Variants in LAMA1 observed in about 807,000 individuals in gnomAD.
LAMA1 encodes laminin subunit alpha 1, also known as laminin subunit alpha-1.
Under a neutral mutation model 348.7 loss-of-function variants are expected in LAMA1, and 219 were observed. The ratio of observed to expected loss-of-function variants is 0.63; its 90% CI spans 0.56 to 0.70. The LOEUF (loss-of-function observed/expected upper bound fraction) is 0.70, where lower values mean the gene tolerates loss of function less well. LAMA1 is among the 30% of genes least tolerant of loss of function. The pLI is 0.00. For synonymous variants in LAMA1, 1,487 were observed against 1,491.0 expected, an observed-to-expected ratio of 1.00 and a Z score of 0.06; for missense variants, 3,744 against 3,888.0, an observed-to-expected ratio of 0.96 and a Z score of 0.99.
Position 7,023,336 on chromosome 18 carries a change from G to T in LAMA1, c.2529C>A (p.Gly843=), listed in dbSNP as rs774533568. 2 of 1,614,032 alleles carry T rather than the reference G, an allele frequency of 1.2e-6. No individual in the cohort carries two copies. Among genetic ancestry groups the T allele is most frequent in the Middle Eastern group, 1.6e-4 (1 of 6,082 alleles). ...TGCAGTCACAGGGAACACAAGATTC[G>T]CCAGGCACTGTTGGGTTTCCATAGT... ...DGYYGNPTVP[G]ESCVPCDCSG... is the part of the protein sequence containing the mutation. Residue 843 remains glycine (G), a synonymous_variant, in exon 19 of 63, where the codon GGC becomes GGA. Coordinates refer to ENST00000389658, the MANE Select transcript of LAMA1 (RefSeq NM_005559.4).
At position 6,980,610 on chromosome 18, in the gene LAMA1, C is replaced by G; in HGVS notation, c.5918G>C (p.Arg1973Thr). Residue 1973 changes from arginine to threonine, a missense_variant, in exon 42 of 63, where the codon AGA (arginine) becomes ACA (threonine). Physicochemically the swap from Arg to Thr is moderately conservative, Grantham distance 71 (BLOSUM62 -1). Coordinates refer to ENST00000389658, the MANE Select transcript of LAMA1 (RefSeq NM_005559.4). ...CTCTTGAAATCTGTTTGTCTTATTTCTCAATTCACTCAGTTCCAATGCAAT... is the reference window on the plus strand; with the variant it reads ...CTCTTGAAATCTGTTTGTCTTATTTGTCAATTCACTCAGTTCCAATGCAAT... The part of the protein sequence containing the change: ...PGIALELSEL[R>T]NKTNRFQENA... The G allele has an allele frequency of 6.2e-7, 1 of 1,611,456 alleles. No individual in the cohort carries two copies. The highest frequency in any genetic ancestry group is 8.5e-7 in the Non-Finnish European group (1 of 1,177,812).
intron 48 of LAMA1, among the ~76,000 whole-genome samples, chr18:6,967,641 G>GGGCCGGTC (rs1177179931): frequency 6.6e-6 from 1 of 152,190 alleles, no homozygotes; most frequent in Admixed American, 6.5e-5. Context: ...GGTCCTCGAT[G>GGGCCGGTC]GGCCGGTCTT....
At position 7,034,707 on chromosome 18, in the gene LAMA1, A is replaced by G. The variant is rs1195513344; in HGVS notation, c.1840-17T>C. 1.3e-6 allele frequency: 2 copies of G among 1,595,430 alleles called. No individual in the cohort carries two copies. The highest frequency in any genetic ancestry group is 2.2e-5 in the South Asian group (2 of 90,440). ...TCCGTTTCCCTAACATTTAAAAACAAGAGAAAATATATTTGTCATTCAATT... is the reference window on the plus strand; with the variant it reads ...TCCGTTTCCCTAACATTTAAAAACAGGAGAAAATATATTTGTCATTCAATT... On this transcript the variant is annotated splice_polypyrimidine_tract_variant and intron_variant, in intron 13 of 62. Transcript: ENST00000389658.
chr18:7,107,211 C>T (rs935033294), intron 1 of LAMA1, among the ~76,000 whole-genome samples: 11 of 151,204 alleles, frequency 7.3e-5, no homozygotes, highest in Admixed American at 2.6e-4. Context: ...CTCCGCCTGC[C>T]GGGTTCACGC....
chr18:6,978,378 C>A lies in LAMA1; in HGVS notation c.6008G>T (p.Gly2003Val). ...SLLILRAIPK[G>V]IRDKGAKTKE... ...GGTTTTGGCTCCCTTGTCTCTTATA[C>A]CTAAAATAAATGTATATAAAAGCAT... The change falls in exon 43 of 63, where the codon GGT (glycine) becomes GTT (valine). Residue 2003 changes from glycine (G) to valine (V), a missense_variant and splice_region_variant. Gly to Val is a moderately radical substitution (Grantham distance 109, BLOSUM62 -3). Transcript: ENST00000389658. 1 of 1,613,734 alleles carries A rather than the reference C, an allele frequency of 6.2e-7. No individual in the cohort carries two copies. Among genetic ancestry groups the A allele is most frequent in the Non-Finnish European group, 8.5e-7 (1 of 1,179,912 alleles).
intron 48 of LAMA1, among the ~76,000 whole-genome samples, chr18:6,971,093 A>C (rs965577308): frequency 6.6e-6 from 1 of 152,244 alleles, no homozygotes; most frequent in African/African-American, 2.4e-5. Flanking sequence ...ATTAGACAAG[A>C]GAAATTATAT....
intron 22 of LAMA1, 134 bp downstream of exon 22, chr18:7,015,588 G>GTTT (rs35052861): frequency 0.017 from 15,195 of 910,828 alleles, 3 homozygotes; most frequent in Middle Eastern, 0.027. Flanking sequence ...CCCACATTGA[G>GTTT]TTTTTTTTTT....
At position 6,983,149 on chromosome 18, in the gene LAMA1, A is replaced by T; in HGVS notation, c.5746T>A (p.Ser1916Thr). The T allele has an allele frequency of 6.2e-7, 1 of 1,614,100 alleles. No homozygotes were observed. Among genetic ancestry groups the T allele is most frequent in the African/African-American group, 1.3e-5 (1 of 75,024 alleles). The change falls in exon 40 of 63, where the codon TCG becomes ACG. Residue 1916 changes from serine to threonine, a missense_variant. Physicochemically the swap from Ser to Thr is moderately conservative, Grantham distance 58. This residue lies in a region of LAMA1 where 1,983 missense variants were observed against 1,934.3 expected (regional missense o/e 1.03). Transcript: ENST00000389658. Reference sequence around the variant, plus strand: ...TGAGCATCTCTGGCCAGTTCCTCCGATTCTTCAATCAGGCTCTGGATGTTG... The same window carrying T: ...TGAGCATCTCTGGCCAGTTCCTCCGTTTCTTCAATCAGGCTCTGGATGTTG... ...HYNIQSLIEESEELARDAHRT... is the reference protein window; with the variant it reads ...HYNIQSLIEETEELARDAHRT...
chr18:7,065,418 C>T (rs2058119037), intron 3 of LAMA1, among the ~76,000 whole-genome samples: 1 of 151,918 alleles, frequency 6.6e-6, no homozygotes. Flanking sequence ...TAATTCTCAA[C>T]TGATAAGAAA....
chr18:7,041,566 G>C (rs1005416748), intron 9 of LAMA1, among the ~76,000 whole-genome samples: 1 of 152,198 alleles, frequency 6.6e-6, no homozygotes, highest in Non-Finnish European at 1.5e-5. Context: ...ACCTATTCAG[G>C]AGACTCTGGT....
intron 1 of LAMA1, among the ~76,000 whole-genome samples, chr18:7,106,053 G>T (rs1316133811): frequency 1.3e-5 from 2 of 152,218 alleles, no homozygotes; most frequent in Non-Finnish European, 2.9e-5. Context: ...ATTACTCACA[G>T]CTCTGAGATG....
In LAMA1 at chr18:6,966,219, C is replaced by T. The variant is rs1384452352; in HGVS notation, c.6978G>A (p.Val2326=). 1 of 1,613,976 alleles carries T rather than the reference C, an allele frequency of 6.2e-7. No individual in the cohort carries two copies. The highest frequency in any genetic ancestry group is 8.5e-7 in the Non-Finnish European group (1 of 1,179,962). The change falls in exon 49 of 63, where the codon GTG becomes GTA. Residue 2326 remains valine (V), a synonymous_variant. Transcript: ENST00000389658. ...SVVEKSLPAT[V]TQIIMLFNTF... ...TATTAAAAAGCATGATTATCTGGGTCACGGTAGCCGGAAGTGACTTCTCCA... is the reference window on the plus strand; with the variant it reads ...TATTAAAAAGCATGATTATCTGGGTTACGGTAGCCGGAAGTGACTTCTCCA...
chr18:6,989,819 C>T (rs989751942), intron 36 of LAMA1, among the ~76,000 whole-genome samples: 8 of 152,276 alleles, frequency 5.3e-5, no homozygotes, highest in African/African-American at 1.9e-4. Context: ...CACTCCCTAA[C>T]CTTCCTCAGC....
chr18:7,093,217 C>T (rs1382748203), intron 1 of LAMA1, among the ~76,000 whole-genome samples: 3 of 152,118 alleles, frequency 2.0e-5, no homozygotes, highest in Admixed American at 1.3e-4. Context: ...GATATCAAGA[C>T]CATCCTGGCT....
intron 1 of LAMA1, among the ~76,000 whole-genome samples, chr18:7,105,394 G>A (rs558527874): frequency 9.2e-5 from 14 of 152,040 alleles, no homozygotes; most frequent in Non-Finnish European, 1.5e-4. Context: ...AGCTGAGATC[G>A]CACCTCTGCA....
chr18:7,011,176 C>T (rs973568637), intron 25 of LAMA1, 124 bp downstream of exon 25: 72 of 1,112,678 alleles, frequency 6.5e-5, no homozygotes, highest in African/African-American at 9.4e-5. Flanking sequence ...TCTGATCCCA[C>T]TTAAAAGAGG....
chr18:7,011,818 T>C (rs146034149), intron 24 of LAMA1, among the ~76,000 whole-genome samples, 177 bp downstream of exon 24: 2 of 152,334 alleles, frequency 1.3e-5, no homozygotes, highest in African/African-American at 4.8e-5. Flanking sequence ...CTCCATTTAC[T>C]TCCTCGGCCA....
In LAMA1 at chr18:6,961,778, G is replaced by C. The variant is rs9964082; in HGVS notation, c.7453-19C>G. 53 of 1,613,790 alleles carry C rather than the reference G, an allele frequency of 3.3e-5. No individual in the cohort carries two copies. Among genetic ancestry groups the C allele is most frequent in the Non-Finnish European group, 4.5e-5 (53 of 1,179,894 alleles). The stretch of plus-strand genomic sequence containing the variant: ...GGATGGGCTGGACACAGAGGAGATG[G>C]AACAGCATGGTGAGTTCCTAGCTGC... On this transcript the variant is annotated intron_variant, in intron 52 of 62. Transcript: ENST00000389658.
At chr18:7,041,542 T>C (rs2058020732) in intron 9 of LAMA1, among the ~76,000 whole-genome samples, 1 of 152,196 alleles carries the variant, frequency 6.6e-6, no homozygotes, top group Non-Finnish European at 1.5e-5. Flanking sequence ...CACAAGAGTC[T>C]TTGAACAGAC....
Sources: gnomAD v4.1 joint callset for allele counts (sites outside exome capture counted in the v4.1 genomes callset) on GRCh38, gnomAD v4.1.1 for gene constraint, gnomAD v4.1.1 regional missense constraint, MANE v1.5 for transcripts, NCBI Gene and HGNC (gene_info 2026-07-23, HGNC 2026-07-21) for gene names.